LAMA1: variants seen among roughly 807,000 people sequenced by gnomAD.
LAMA1 encodes laminin subunit alpha 1.
A neutral mutation model predicts 348.7 loss-of-function variants in LAMA1; 219 were observed. That is an observed-to-expected ratio of 0.63 (90% CI 0.56 to 0.70). LAMA1 has a LOEUF of 0.70. Among genes scored for constraint, LAMA1 ranks in the 30% least tolerant of loss-of-function variants. The pLI, the probability that LAMA1 is intolerant of heterozygous loss-of-function variation, is 0.00. For synonymous variants in LAMA1, 1,487 were observed against 1,491.0 expected (o/e 1.00, Z 0.06); for missense variants, 3,744 against 3,888.0 (o/e 0.96, Z 0.99).
chr18:7,077,376 G>C (rs994399020), intron 3 of LAMA1, among the ~76,000 whole-genome samples: 1 of 151,478 alleles, frequency 6.6e-6, no homozygotes, highest in Non-Finnish European at 1.5e-5. Flanking sequence ...TCATTTTTTT[G>C]TATCTTTTTT....
chr18:7,044,428 A>G (rs1385935658), intron 7 of LAMA1, among the ~76,000 whole-genome samples: 1 of 152,180 alleles, frequency 6.6e-6, no homozygotes, highest in Non-Finnish European at 1.5e-5. Flanking sequence ...AATCCAAATC[A>G]ATACAGAATA....
chr18:6,956,777 CAA>C lies in LAMA1; in HGVS notation c.7965-14_7965-13del. 6.2e-7 allele frequency: 1 copy of C among 1,614,052 alleles called. No homozygotes were observed. The highest frequency in any genetic ancestry group is 8.5e-7 in the Non-Finnish European group (1 of 1,179,994). ...TGAAATCCAAAAGTCTAGGTAGAAACAAGAGAGTGTTTTCAAAATTAGGATAT... is the reference window on the plus strand; with the variant it reads ...TGAAATCCAAAAGTCTAGGTAGAAACGAGAGTGTTTTCAAAATTAGGATAT... On this transcript the variant is annotated splice_polypyrimidine_tract_variant and intron_variant, in intron 55 of 62. Transcript: ENST00000389658.
At chr18:6,959,666 G>C in intron 53 of LAMA1, 174 bp from the exon 54 acceptor site, 1 of 696,814 alleles carries the variant, frequency 1.4e-6, no homozygotes, top group Admixed American at 2.2e-5. Context: ...TCTAATCTCT[G>C]TTCATATAAT....
At chr18:7,020,460 G>C (rs1460696918) in intron 19 of LAMA1, among the ~76,000 whole-genome samples, 2 of 152,164 alleles carry the variant, frequency 1.3e-5, no homozygotes, top group African/African-American at 4.8e-5. Context: ...ATAAGAATGG[G>C]GGGCCCTACA....
chr18:6,958,564 C>T lies in LAMA1; in HGVS notation c.7877G>A (p.Gly2626Glu). 1 of 1,614,166 alleles carries T rather than the reference C, an allele frequency of 6.2e-7. No individual in the cohort carries two copies. Among genetic ancestry groups the T allele is most frequent in the East Asian group, 2.2e-5 (1 of 44,882 alleles). Residue 2626 changes from glycine (G) to glutamate (E), a missense_variant, in exon 55 of 63, where the codon GGG (glycine) becomes GAG (glutamate). Coordinates refer to ENST00000389658, the MANE Select transcript of LAMA1 (RefSeq NM_005559.4). ...CGTCCCCTCTCCCTCTGGAATTCCC[C>T]CGACGTACAGATTGGACACATTTAT... ...RTINVSNLYV[G>E]GIPEGEGTSL...
rs1354985880 is a variant in LAMA1 at position 7,044,781 on chromosome 18, G to A, written c.917C>T (p.Pro306Leu). 5.6e-6 allele frequency: 9 copies of A among 1,614,058 alleles called. No individual in the cohort carries two copies. The highest frequency in any genetic ancestry group is 1.3e-5 in the African/African-American group (1 of 74,930). ...TCGESCNRCC[P>L]GYHQQPWRPG... ...CCTCCAGGGCTGCTGATGGTACCCA[G>A]GACAGCACCTGTTACAGCTCTCCCC... The change falls in exon 7 of 63, where the codon CCT (proline) becomes CTT (leucine). Residue 306 changes from proline (P) to leucine (L), a missense_variant. Coordinates refer to ENST00000389658, the MANE Select transcript of LAMA1 (RefSeq NM_005559.4).
At chr18:6,954,751 G>T (rs1600345476) in intron 57 of LAMA1, 1 of 173,148 alleles carries the variant, frequency 5.8e-6, no homozygotes, top group Non-Finnish European at 1.3e-5. Flanking sequence ...TGACAGGGTG[G>T]CACAGCCAAT....
chr18:7,032,447 C>T (rs931463925), intron 15 of LAMA1, among the ~76,000 whole-genome samples: 10 of 152,142 alleles, frequency 6.6e-5, no homozygotes, highest in South Asian at 2.1e-4. Context: ...ATGAGTCTTA[C>T]GGCCTATTCT....
At chr18:7,073,995 C>T (rs759208251) in intron 3 of LAMA1, among the ~76,000 whole-genome samples, 50 of 152,110 alleles carry the variant, frequency 3.3e-4, no homozygotes, top group African/African-American at 1.1e-3. Context: ...CCACCACGCC[C>T]GGCTAATTTT....
Position 6,980,621 on chromosome 18 carries a change from C to T in LAMA1, c.5907G>A (p.Leu1969=). 6.2e-7 allele frequency: 1 copy of T among 1,609,234 alleles called. No individual in the cohort carries two copies. Among genetic ancestry groups the T allele is most frequent in the South Asian group, 1.1e-5 (1 of 90,970 alleles). Residue 1969 remains leucine, a synonymous_variant, in exon 42 of 63, where the codon CTG becomes CTA. Coordinates refer to ENST00000389658, the MANE Select transcript of LAMA1 (RefSeq NM_005559.4). ...SRKLPGIALE[L]SELRNKTNRF... The stretch of plus-strand genomic sequence containing the variant: ...TGTTTGTCTTATTTCTCAATTCACT[C>T]AGTTCCAATGCAATACCTATTTAAA...
intron 32 of LAMA1, among the ~76,000 whole-genome samples, chr18:6,998,693 T>C (rs947858877): frequency 2.0e-5 from 3 of 152,144 alleles, no homozygotes; most frequent in African/African-American, 7.2e-5. Flanking sequence ...GACTATCTCA[T>C]GCACTTGCTG....
chr18:7,095,387 A>G (rs2058257007), intron 1 of LAMA1, among the ~76,000 whole-genome samples: 1 of 152,132 alleles, frequency 6.6e-6, no homozygotes, highest in South Asian at 2.1e-4. Context: ...TAGTACTCAA[A>G]TGGTCTATCC....
At position 6,982,594 on chromosome 18, in the gene LAMA1, G is replaced by C; in HGVS notation, c.5797-4C>G. The C allele has an allele frequency of 1.2e-6, 2 of 1,613,762 alleles. No individual in the cohort carries two copies. The highest frequency in any genetic ancestry group is 1.7e-6 in the Non-Finnish European group (2 of 1,179,674). ...TAGAAACAAGGGATTCTGAGAGCTG[G>C]AAAACAGAACCACTTAAGCGTGGTG... On this transcript the variant is annotated splice_region_variant and splice_polypyrimidine_tract_variant and intron_variant, in intron 40 of 62. Coordinates refer to ENST00000389658, the MANE Select transcript of LAMA1 (RefSeq NM_005559.4).
intron 1 of LAMA1, among the ~76,000 whole-genome samples, chr18:7,107,939 G>A (rs2058320216): frequency 6.6e-6 from 1 of 151,930 alleles, no homozygotes; most frequent in African/African-American, 2.4e-5. Context: ...GCGTGAATCT[G>A]GGAGGCAGAG....
chr18:6,985,329 G>T lies in LAMA1; in HGVS notation c.5568C>A (p.Val1856=). The T allele has an allele frequency of 6.2e-7, 1 of 1,614,072 alleles. No homozygotes were observed. Among genetic ancestry groups the T allele is most frequent in the African/African-American group, 1.3e-5 (1 of 74,930 alleles). The change falls in exon 39 of 63, where the codon GTC becomes GTA. Residue 1856 remains valine, a synonymous_variant. Transcript: ENST00000389658. The stretch of plus-strand genomic sequence containing the variant: ...CTGCGTTCCTTTGGGACATGTGCAT[G>T]ACCAGGTCATCTATGTGGTGCCTGA... ...AKIRHHIDDL[V]MHMSQRNAVD...
At position 6,948,435 on chromosome 18, in the gene LAMA1, G is replaced by A. The variant is rs2057531782; in HGVS notation, c.8678C>T (p.Thr2893Ile). ...NRCYAVAQEG[T>I]YFDGSGYAAL... is the part of the protein sequence containing the mutation. ...TGCATATCCGCTTCCGTCAAAGTAT[G>A]TTCCTTCCTGGGCCACTGCGTAGCA... is the stretch of plus-strand genomic sequence containing the variant. Residue 2893 changes from threonine (T) to isoleucine (I), a missense_variant, in exon 60 of 63, where the codon ACA (threonine) becomes ATA (isoleucine). Coordinates refer to ENST00000389658, the MANE Select transcript of LAMA1 (RefSeq NM_005559.4). The A allele has an allele frequency of 6.2e-7, 1 of 1,614,172 alleles. No individual in the cohort carries two copies. Among genetic ancestry groups the A allele is most frequent in the Non-Finnish European group, 8.5e-7 (1 of 1,180,032 alleles).
At chr18:7,008,410 G>C in intron 28 of LAMA1, 78 bp downstream of exon 28, 3 of 1,542,700 alleles carry the variant, frequency 1.9e-6, no homozygotes, top group South Asian at 2.3e-5. Flanking sequence ...CATAAGTTCT[G>C]TTCATCTCTG....
chr18:6,999,376 TCAC>T, intron 32 of LAMA1, 66 bp downstream of exon 32: 2 of 1,498,720 alleles, frequency 1.3e-6, no homozygotes, highest in South Asian at 2.3e-5. Flanking sequence ...TAGCGTGCCG[TCAC>T]CACTTCTTTC....
chr18:7,038,578 A>G, intron 11 of LAMA1: 1 of 612,502 alleles, frequency 1.6e-6, no homozygotes, highest in Non-Finnish European at 2.9e-6. Flanking sequence ...CGTGTTCTCT[A>G]GTGCCACATC....
Sources: allele counts gnomAD v4.1 joint callset (sites outside exome capture counted in the v4.1 genomes callset), GRCh38; gene constraint gnomAD v4.1.1; transcripts MANE v1.5; gene names NCBI Gene and HGNC (gene_info 2026-07-23, HGNC 2026-07-21).